Variants in L3MBTL4 observed in about 807,000 individuals in gnomAD.
The protein encoded by L3MBTL4 is L3MBTL histone methyl-lysine binding protein 4.
In L3MBTL4, 70 loss-of-function variants were observed where a neutral mutation model predicts 84.5. The ratio of observed to expected loss-of-function variants is 0.83; its 90% CI spans 0.68 to 1.01. The LOEUF is 1.01. Among genes scored for constraint, L3MBTL4 ranks in the 50% least tolerant of loss-of-function variants. L3MBTL4 has a pLI of 0.00. For missense variants in L3MBTL4, 715 were observed against 754.8 expected (o/e 0.95, Z 0.62); for synonymous variants, 274 against 259.8 (o/e 1.05, Z -0.52).
chr18:6,214,756 T>C (rs1204117614), intron 11 of L3MBTL4, among the ~76,000 whole-genome samples: 1 of 152,210 alleles, frequency 6.6e-6, no homozygotes, highest in Non-Finnish European at 1.5e-5. Flanking sequence ...AAGAGTTTAG[T>C]ATTGTACACG....
chr18:6,091,046 A>C (rs2058438399), intron 15 of L3MBTL4, among the ~76,000 whole-genome samples: 1 of 152,170 alleles, frequency 6.6e-6, no homozygotes, highest in Non-Finnish European at 1.5e-5. Flanking sequence ...CAAAAGAGGA[A>C]AGATAGAATT....
intron 12 of L3MBTL4, among the ~76,000 whole-genome samples, chr18:6,186,635 G>A (rs918912537): frequency 6.6e-5 from 10 of 152,204 alleles, no homozygotes; most frequent in Admixed American, 6.5e-5. Context: ...AGGAGGCAAG[G>A]CCACTGGTGG....
chr18:6,161,345 T>C (rs993858584), intron 13 of L3MBTL4, among the ~76,000 whole-genome samples: 1 of 152,316 alleles, frequency 6.6e-6, no homozygotes, highest in Middle Eastern at 3.4e-3. Context: ...TGGACTCTTT[T>C]CAGTTGAATG....
chr18:6,384,087 A>T (rs546634584), intron 1 of L3MBTL4, among the ~76,000 whole-genome samples: 1 of 152,268 alleles, frequency 6.6e-6, no homozygotes, highest in Admixed American at 6.5e-5. Context: ...ATGTTCAACT[A>T]CATCTGGGGA....
intron 13 of L3MBTL4, among the ~76,000 whole-genome samples, chr18:6,171,220 T>C (rs1041960578): frequency 1.3e-5 from 2 of 152,192 alleles, no homozygotes; most frequent in Non-Finnish European, 2.9e-5. Flanking sequence ...CACTTGTGTC[T>C]GGAACTGGTT....
At chr18:6,069,802 G>A (rs1056816397) in intron 16 of L3MBTL4, among the ~76,000 whole-genome samples, 4 of 152,042 alleles carry the variant, frequency 2.6e-5, no homozygotes, top group African/African-American at 9.7e-5. Context: ...GATAAATAAC[G>A]GTGACTAATG....
Position 6,133,294 on chromosome 18 carries a change from G to A in L3MBTL4, c.1199+4900C>T, listed in dbSNP as rs577210074. On this transcript the variant is annotated intron_variant, in intron 14 of 18. Coordinates refer to ENST00000317931, the MANE Select transcript of L3MBTL4 (RefSeq NM_001330559.2). ...GCGTGTGTGAGGAACACAGAGGCAG[G>A]GGACTAACGAGTACCATAGTGGGTG... is the stretch of plus-strand genomic sequence containing the variant. Among the ~76,000 whole-genome samples, 31 of 151,632 alleles carry A rather than the reference G, an allele frequency of 2.0e-4. No homozygotes were observed. The South Asian group carries it at 6.3e-3, about 31-fold the overall frequency.
At chr18:6,027,451 G>T (rs2055563700) in intron 16 of L3MBTL4, among the ~76,000 whole-genome samples, 1 of 152,182 alleles carries the variant, frequency 6.6e-6, no homozygotes, top group African/African-American at 2.4e-5. Flanking sequence ...GGACATTTGG[G>T]TTGGTTCTAA....
At chr18:6,114,344 T>G (rs1452671448) in intron 14 of L3MBTL4, among the ~76,000 whole-genome samples, 5 of 152,250 alleles carry the variant, frequency 3.3e-5, no homozygotes, top group African/African-American at 4.8e-5. Context: ...GGAAGCTTCC[T>G]GTCACGACTC....
intron 16 of L3MBTL4, among the ~76,000 whole-genome samples, chr18:5,992,932 C>G (rs1381473253): frequency 6.6e-6 from 1 of 152,194 alleles, no homozygotes; most frequent in African/African-American, 2.4e-5. Flanking sequence ...CAACAACAGC[C>G]TAACACAAGG....
intron 1 of L3MBTL4, among the ~76,000 whole-genome samples, chr18:6,321,195 A>C (rs961860323): frequency 6.6e-6 from 1 of 152,220 alleles, no homozygotes; most frequent in African/African-American, 2.4e-5. Flanking sequence ...TACGACCCCA[A>C]AAGCAAATGT....
intron 15 of L3MBTL4, among the ~76,000 whole-genome samples, chr18:6,087,562 C>T (rs1275740975): frequency 6.6e-6 from 1 of 152,102 alleles, no homozygotes; most frequent in Non-Finnish European, 1.5e-5. Flanking sequence ...CAGCCAAAAC[C>T]CCCTATAGGG....
intron 1 of L3MBTL4, among the ~76,000 whole-genome samples, chr18:6,332,282 G>T (rs369732685): frequency 5.9e-5 from 9 of 152,300 alleles, no homozygotes; most frequent in African/African-American, 2.2e-4. Context: ...CCTCCTCTTG[G>T]TTAAAATAAG....
rs1420033587 is a variant in L3MBTL4, at chr18:5,954,885, T to G, written c.*1335A>C. 1 of 152,136 alleles carries G rather than the reference T, an allele frequency of 6.6e-6. No individual in the cohort carries two copies. The highest frequency in any genetic ancestry group is 1.5e-5 in the Non-Finnish European group (1 of 68,016). 9.4% of individuals were successfully genotyped at this position (152,136 alleles called of 1,614,324 possible). A position where few individuals can be genotyped will look rare whatever the true frequency, so the allele number is the denominator to read the frequency against. On this transcript the variant is annotated 3_prime_UTR_variant, in exon 19 of 19. Coordinates refer to ENST00000317931, the MANE Select transcript of L3MBTL4 (RefSeq NM_001330559.2). ...TATTAAAATTCCTTTTAGGTAAAGA[T>G]CTAAAGAAATGTTATATATGCACAC... is the stretch of plus-strand genomic sequence containing the variant.
At chr18:6,174,854 G>A (rs1250699010) in intron 12 of L3MBTL4, among the ~76,000 whole-genome samples, 14 of 126,850 alleles carry the variant, frequency 1.1e-4, no homozygotes, top group African/African-American at 3.4e-4. Flanking sequence ...GTGACAGAGC[G>A]AAACTCTGTC....
At chr18:6,257,645 C>CTTTTTTTTTTTTTTTTTT (rs770563046) in intron 5 of L3MBTL4, among the ~76,000 whole-genome samples, 17 of 127,456 alleles carry the variant, frequency 1.3e-4, no homozygotes, top group East Asian at 2.2e-4. Context: ...TTTTCTTTTT[C>CTTTTTTTTTTTTTTTTTT]TTTTTTTTTT....
chr18:5,990,269 A>C (rs921350741), intron 16 of L3MBTL4, among the ~76,000 whole-genome samples: 1 of 152,222 alleles, frequency 6.6e-6, no homozygotes, highest in Non-Finnish European at 1.5e-5. Flanking sequence ...CTAAAATGGC[A>C]ACTACTTTAT....
At chr18:6,120,252 C>T (rs1277711988) in intron 14 of L3MBTL4, among the ~76,000 whole-genome samples, 2 of 152,172 alleles carry the variant, frequency 1.3e-5, no homozygotes, top group Admixed American at 1.3e-4. Flanking sequence ...GGTCTACAAG[C>T]CCAGGGGCCC....
At chr18:6,263,581 TAGA>T (rs1196397468) in intron 5 of L3MBTL4, among the ~76,000 whole-genome samples, 1 of 152,186 alleles carries the variant, frequency 6.6e-6, no homozygotes, top group Non-Finnish European at 1.5e-5. Context: ...TACTGGCTAA[TAGA>T]AGTAAAACCT....
Sources: gnomAD v4.1 joint callset for allele counts (sites outside exome capture counted in the v4.1 genomes callset) on GRCh38, gnomAD v4.1.1 for gene constraint, MANE v1.5 for transcripts, NCBI Gene and HGNC (gene_info 2026-07-23, HGNC 2026-07-21) for gene names.